The following ROBO2 variants were observed in gnomAD, a reference collection of about 807,000 sequenced individuals.
The protein encoded by ROBO2 is roundabout homolog 2.
A neutral mutation model predicts 160.8 loss-of-function variants in ROBO2; 53 were observed. That is an observed-to-expected ratio of 0.33 (90% CI 0.26 to 0.41). The LOEUF is 0.41. ROBO2 is among the 10% of genes least tolerant of loss of function. The probability of loss-of-function intolerance (pLI) is 1.00; values close to 1 mark genes in which losing one functional copy is unlikely to be tolerated. For synonymous variants in ROBO2, 664 were observed against 611.7 expected (o/e 1.09, Z -1.26); for missense variants, 1,577 against 1,722.4 (o/e 0.92, Z 1.49).
At chr3:77,176,389 A>C (rs1258013953) in intron 2 of ROBO2, among the ~76,000 whole-genome samples, 1 of 152,066 alleles carries the variant, frequency 6.6e-6, no homozygotes, top group African/African-American at 2.4e-5. Flanking sequence ...GTGTGGAAGA[A>C]TTAATGCTTT....
At chr3:76,358,077 C>G (rs1253956470) in intron 2 of ROBO2, among the ~76,000 whole-genome samples, 1 of 151,852 alleles carries the variant, frequency 6.6e-6, no homozygotes, top group Non-Finnish European at 1.5e-5. Flanking sequence ...ATACAATACT[C>G]TAAGTCTTAT....
chr3:76,447,877 C>A (rs976326284), intron 2 of ROBO2, among the ~76,000 whole-genome samples: 20 of 123,336 alleles, frequency 1.6e-4, no homozygotes, highest in African/African-American at 6.4e-4. Context: ...GGACATCACA[C>A]AGCGGGGCCT....
At chr3:76,062,529 T>G (rs1352585428) in intron 2 of ROBO2, among the ~76,000 whole-genome samples, 1 of 152,126 alleles carries the variant, frequency 6.6e-6, no homozygotes. Flanking sequence ...TGAAGTGAAG[T>G]CAATACTCAA....
intron 2 of ROBO2, among the ~76,000 whole-genome samples, chr3:77,294,509 A>G (rs2061786860): frequency 6.8e-6 from 1 of 146,904 alleles, no homozygotes. Flanking sequence ...GACATTAAGT[A>G]AAATTGATGG....
intron 2 of ROBO2, among the ~76,000 whole-genome samples, chr3:76,983,454 A>C (rs1250276470): frequency 6.6e-6 from 1 of 152,206 alleles, no homozygotes; most frequent in Non-Finnish European, 1.5e-5. Context: ...TAAAGGAATA[A>C]AGTGAACGCC....
intron 2 of ROBO2, among the ~76,000 whole-genome samples, chr3:76,282,375 T>C (rs1334646672): frequency 6.6e-6 from 1 of 152,032 alleles, no homozygotes; most frequent in Non-Finnish European, 1.5e-5. Context: ...AAGTACATAG[T>C]TGAGTTGGCT....
intron 2 of ROBO2, among the ~76,000 whole-genome samples, chr3:76,702,503 T>C (rs1315787192): frequency 6.6e-6 from 1 of 150,848 alleles, no homozygotes; most frequent in Non-Finnish European, 1.5e-5. Flanking sequence ...AAGTTATTTA[T>C]TTATTTTGTA....
chr3:77,063,216 G>C (rs553942594), intron 1 of ROBO2, among the ~76,000 whole-genome samples: 3 of 152,200 alleles, frequency 2.0e-5, no homozygotes, highest in African/African-American at 7.2e-5. Context: ...TTCGCCAAGG[G>C]CTATGCCCAT....
At chr3:75,993,135 T>A (rs1057106130) in intron 2 of ROBO2, among the ~76,000 whole-genome samples, 4 of 152,066 alleles carry the variant, frequency 2.6e-5, no homozygotes, top group African/African-American at 9.7e-5. Flanking sequence ...TGGGAAGGCA[T>A]GATGGGTTTT....
chr3:76,079,484 T>TG (rs909059352), intron 2 of ROBO2, among the ~76,000 whole-genome samples: 1 of 146,872 alleles, frequency 6.8e-6, no homozygotes, highest in Non-Finnish European at 1.5e-5. Flanking sequence ...TATTATTAGT[T>TG]TTTTTTTTTT....
At chr3:77,286,598 T>C (rs1349950865) in intron 2 of ROBO2, among the ~76,000 whole-genome samples, 1 of 152,160 alleles carries the variant, frequency 6.6e-6, no homozygotes, top group African/African-American at 2.4e-5. Flanking sequence ...TATTATAAAA[T>C]TGCCTTCTTT....
chr3:76,361,008 T>C (rs1013698895), intron 2 of ROBO2, among the ~76,000 whole-genome samples: 2 of 152,088 alleles, frequency 1.3e-5, no homozygotes, highest in African/African-American at 4.8e-5. Flanking sequence ...TTTAGTTAAG[T>C]CGTTACTGTG....
intron 5 of ROBO2, among the ~76,000 whole-genome samples, chr3:77,512,498 T>C (rs1561041321): frequency 6.6e-6 from 1 of 152,114 alleles, no homozygotes; most frequent in Non-Finnish European, 1.5e-5. Context: ...AAGTTCTAGA[T>C]GGATGTATCT....
At chr3:77,600,411 G>C (rs987254351) in intron 19 of ROBO2, among the ~76,000 whole-genome samples, 3 of 152,160 alleles carry the variant, frequency 2.0e-5, no homozygotes, top group East Asian at 1.9e-4. Context: ...ATCTAGCAGG[G>C]AGAGGAGAGA....
rs111300095 is a variant in ROBO2 at position 76,270,799 on chromosome 3, A to G, written c.109+333197A>G. Among the ~76,000 whole-genome samples, 318 of 152,212 alleles carry G rather than the reference A, an allele frequency of 2.1e-3. 1 individual carries two copies. Among genetic ancestry groups the G allele is most frequent in the African/African-American group, 7.3e-3 (303 of 41,562 alleles). The stretch of plus-strand genomic sequence containing the variant: ...AGTAATGTGAAATAGTTTAGAGAAT[A>G]CTAAATGTAGAGTATAGCAACTTGG... On this transcript the variant is annotated intron_variant, in intron 2 of 26. Coordinates refer to the ROBO2 transcript ENST00000487694.
At chr3:76,484,976 T>C (rs542465063) in intron 2 of ROBO2, among the ~76,000 whole-genome samples, 26 of 152,210 alleles carry the variant, frequency 1.7e-4, no homozygotes, top group Middle Eastern at 3.4e-3. Flanking sequence ...TTATGTCCTA[T>C]TCCCTTATTA....
chr3:77,006,192 A>ACT (rs1277423084), intron 2 of ROBO2, among the ~76,000 whole-genome samples: 1 of 151,986 alleles, frequency 6.6e-6, no homozygotes, highest in African/African-American at 2.4e-5. Context: ...TACCTTTAAG[A>ACT]CTCAGGCATT....
chr3:75,972,871 G>A (rs774940441), intron 2 of ROBO2, among the ~76,000 whole-genome samples: 4 of 151,730 alleles, frequency 2.6e-5, no homozygotes, highest in Non-Finnish European at 4.4e-5. Context: ...GTGGTAGCCC[G>A]TTAAGTGTGG....
chr3:77,277,165 T>TTCTTTCC (rs1560407933), intron 2 of ROBO2, among the ~76,000 whole-genome samples: 27 of 64,148 alleles, frequency 4.2e-4, no homozygotes, highest in African/African-American at 1.6e-3. Flanking sequence ...TCCTTCTTTC[T>TTCTTTCC]TTCTTTCTTT....
Sources: gnomAD v4.1 joint callset for allele counts (sites outside exome capture counted in the v4.1 genomes callset) on GRCh38, gnomAD v4.1.1 for gene constraint, MANE v1.5 for transcripts, NCBI Gene and HGNC (gene_info 2026-07-23, HGNC 2026-07-21) for gene names.